The following NT5C3A variants were observed in gnomAD, a reference collection of about 807,000 sequenced individuals.
NT5C3A encodes cytosolic 5'-nucleotidase 3A.
In NT5C3A, 23 loss-of-function variants were observed where a neutral mutation model predicts 40.0. That is an observed-to-expected ratio of 0.58 (90% CI 0.41 to 0.81). The LOEUF (loss-of-function observed/expected upper bound fraction) is 0.81. NT5C3A is among the 40% of genes least tolerant of loss of function. The pLI, the probability that NT5C3A is intolerant of heterozygous loss-of-function variation, is 0.00. For synonymous variants in NT5C3A, 130 were observed against 141.4 expected, an observed-to-expected ratio of 0.92 and a Z score of 0.57; for missense variants, 328 against 403.0, an observed-to-expected ratio of 0.81 and a Z score of 1.59.
At chr7:33,039,658 T>A (rs1200223973) in intron 1 of NT5C3A, among the ~76,000 whole-genome samples, 2 of 147,866 alleles carry the variant, frequency 1.4e-5, no homozygotes, top group Non-Finnish European at 3.0e-5. Flanking sequence ...AATAATTTGG[T>A]GGGGCATTTA....
chr7:33,056,671 A>AAAAAT (rs1459150993), intron 1 of NT5C3A, among the ~76,000 whole-genome samples: 1 of 151,968 alleles, frequency 6.6e-6, no homozygotes, highest in Non-Finnish European at 1.5e-5. Flanking sequence ...ACCTAGTCTC[A>AAAAAT]AAAATAAAAT....
chr7:33,018,538 G>A (rs573747324), intron 6 of NT5C3A, among the ~76,000 whole-genome samples: 1 of 152,214 alleles, frequency 6.6e-6, no homozygotes, highest in South Asian at 2.1e-4. Flanking sequence ...AAAATTTTAC[G>A]AGGTAATAAA....
chr7:33,042,815 C>T (rs564705027), intron 1 of NT5C3A, among the ~76,000 whole-genome samples: 29 of 152,080 alleles, frequency 1.9e-4, no homozygotes, highest in Non-Finnish European at 3.5e-4. Context: ...GCTGCCAGGA[C>T]GTATACTGCA....
At chr7:33,052,553 T>C (rs944345719) in intron 1 of NT5C3A, among the ~76,000 whole-genome samples, 3 of 150,346 alleles carry the variant, frequency 2.0e-5, no homozygotes, top group African/African-American at 4.9e-5. Context: ...TATTTTATTA[T>C]ACAAATGCAC....
At chr7:33,039,857 G>T (rs1007357550) in intron 1 of NT5C3A, among the ~76,000 whole-genome samples, 1 of 151,946 alleles carries the variant, frequency 6.6e-6, no homozygotes, top group Non-Finnish European at 1.5e-5. Context: ...TTTAAAAATG[G>T]GCAATTTTAA....
At chr7:33,038,003 A>G (rs1415581208) in intron 1 of NT5C3A, among the ~76,000 whole-genome samples, 2 of 152,190 alleles carry the variant, frequency 1.3e-5, no homozygotes, top group Non-Finnish European at 2.9e-5. Flanking sequence ...CAAACAAGAT[A>G]TTATAGAAGC....
At chr7:33,062,434 A>G in intron 1 of NT5C3A, 134 bp downstream of exon 1, 1 of 782,688 alleles carries the variant, frequency 1.3e-6, no homozygotes, top group South Asian at 1.7e-5. Context: ...CGAGCTAGCG[A>G]GATCCCAGCC....
At chr7:33,055,019 T>C (rs1246157845) in intron 1 of NT5C3A, among the ~76,000 whole-genome samples, 1 of 152,176 alleles carries the variant, frequency 6.6e-6, no homozygotes, top group Non-Finnish European at 1.5e-5. Flanking sequence ...ATATCTTTAC[T>C]CGGGGTAAAC....
intron 1 of NT5C3A, among the ~76,000 whole-genome samples, chr7:33,052,977 A>G (rs966586313): frequency 2.6e-5 from 4 of 152,158 alleles, no homozygotes; most frequent in Non-Finnish European, 5.9e-5. Flanking sequence ...CTGTATTTCA[A>G]AATAAGGTTT....
chr7:33,020,481 T>C (rs1785564921), intron 5 of NT5C3A, among the ~76,000 whole-genome samples: 1 of 152,202 alleles, frequency 6.6e-6, no homozygotes, highest in Non-Finnish European at 1.5e-5. Flanking sequence ...CATGCTGAAA[T>C]CAATCTTCTT....
chr7:33,052,501 A>G (rs1460965325), intron 1 of NT5C3A, among the ~76,000 whole-genome samples: 1 of 151,766 alleles, frequency 6.6e-6, no homozygotes, highest in East Asian at 1.9e-4. Flanking sequence ...AAAAAAAAAA[A>G]AAAAAAAAAG....
rs187539762 is a variant in NT5C3A at position 33,061,693 on chromosome 7, A to G, written c.138+875T>C. The stretch of plus-strand genomic sequence containing the variant: ...TAGTGTAGATTTTAAATTTTTTTCT[A>G]TCATAAATCATCTGACCCTAGATGT... On this transcript the variant is annotated intron_variant, in intron 1 of 8. Coordinates refer to ENST00000610140, the MANE Select transcript of NT5C3A (RefSeq NM_001002010.5). Among the ~76,000 whole-genome samples the G allele has an allele frequency of 4.3e-3, 653 of 152,284 alleles. 5 individuals carry two copies. The highest frequency in any genetic ancestry group is 0.023 in the South Asian group (111 of 4,832).
chr7:33,047,283 T>C (rs1225360802), intron 1 of NT5C3A, among the ~76,000 whole-genome samples: 2 of 152,194 alleles, frequency 1.3e-5, no homozygotes, highest in African/African-American at 4.8e-5. Context: ...ATTGGTGCAC[T>C]ATATCGAGTA....
intron 2 of NT5C3A, 98 bp downstream of exon 2, chr7:33,026,719 C>T (rs756591719): frequency 2.4e-6 from 2 of 825,364 alleles, no homozygotes; most frequent in Non-Finnish European, 4.2e-6. Context: ...GTCTCGAACT[C>T]CTGGGCTCAA....
In NT5C3A at chr7:33,032,143, G is replaced by C. The variant is rs186750714; in HGVS notation, c.139-5228C>G. Among the ~76,000 whole-genome samples, 340 of 151,736 alleles carry C rather than the reference G, an allele frequency of 2.2e-3. 3 individuals carry two copies. The highest frequency in any genetic ancestry group is 3.1e-3 in the Non-Finnish European group (210 of 67,920). On this transcript the variant is annotated intron_variant, in intron 1 of 8. Coordinates refer to ENST00000610140, the MANE Select transcript of NT5C3A (RefSeq NM_001002010.5). ...CTGTCTCAAAAACAAACAAAAAAAG[G>C]CCAGGCACAGTGGCTCATGCCTCTA...
chr7:33,023,482 C>T (rs772774114), intron 3 of NT5C3A, among the ~76,000 whole-genome samples: 1 of 152,120 alleles, frequency 6.6e-6, no homozygotes, highest in Non-Finnish European at 1.5e-5. Flanking sequence ...TGGTCTTGAA[C>T]TCCTGACTGC....
At chr7:33,021,792 C>T in intron 4 of NT5C3A, 1 of 482,388 alleles carries the variant, frequency 2.1e-6, no homozygotes, top group Non-Finnish European at 3.7e-6. Context: ...AACGTTACAA[C>T]ACCAGAATAC....
At chr7:33,017,386 G>T in intron 7 of NT5C3A, 53 bp downstream of exon 7, 1 of 1,375,490 alleles carries the variant, frequency 7.3e-7, no homozygotes, top group Non-Finnish European at 1.0e-6. Flanking sequence ...AAATTTACAT[G>T]ATTAAAATAT....
rs760207252 is a variant in NT5C3A at position 33,014,441 on chromosome 7, T to C, written c.*289A>G. 2.9e-5 allele frequency: 14 copies of C among 484,582 alleles called. No individual in the cohort carries two copies. Among genetic ancestry groups the C allele is most frequent in the South Asian group, 1.7e-4 (11 of 64,174 alleles). 30.0% of individuals were successfully genotyped at this position (484,582 alleles called of 1,614,324 possible). A position where few individuals can be genotyped will look rare whatever the true frequency, so the allele number is the denominator to read the frequency against. On this transcript the variant is annotated 3_prime_UTR_variant, in exon 9 of 9. Transcript: ENST00000610140. ...TGTAAAAGACTCCTCAAAAGCTGCA[T>C]GATAACATTAAACTACAAAATTCAC...
Sources: gnomAD v4.1 joint callset for allele counts (sites outside exome capture counted in the v4.1 genomes callset) on GRCh38, gnomAD v4.1.1 for gene constraint, MANE v1.5 for transcripts, NCBI Gene and HGNC (gene_info 2026-07-23, HGNC 2026-07-21) for gene names.